Variants in CA10 observed in about 807,000 individuals in gnomAD.
CA10 encodes carbonic anhydrase 10 (inactive), also known as carbonic anhydrase-related protein 10.
CA10 carries 14 observed loss-of-function variants against 44.2 expected under a neutral mutation model. That is an observed-to-expected ratio of 0.32 (90% CI 0.21 to 0.50). The LOEUF is 0.50. CA10 is among the 20% of genes least tolerant of loss of function. The pLI, the probability that CA10 is intolerant of heterozygous loss-of-function variation, is 0.99. For synonymous variants in CA10, 159 were observed against 141.6 expected, an observed-to-expected ratio of 1.12 and a Z score of -0.87; for missense variants, 350 against 409.7, an observed-to-expected ratio of 0.85 and a Z score of 1.26.
intron 2 of CA10, among the ~76,000 whole-genome samples, chr17:52,066,597 A>G (rs1987544040): frequency 6.6e-6 from 1 of 152,074 alleles, no homozygotes; most frequent in Non-Finnish European, 1.5e-5. Flanking sequence ...CTTCTCCTTC[A>G]CCTTCAGCCA....
At chr17:52,134,223 C>A (rs1750139419) in intron 1 of CA10, among the ~76,000 whole-genome samples, 1 of 152,216 alleles carries the variant, frequency 6.6e-6, no homozygotes, top group Admixed American at 6.5e-5. Flanking sequence ...TAATCCTAAA[C>A]CTCAACTTCT....
At chr17:51,765,151 G>C (rs571393452) in intron 3 of CA10, among the ~76,000 whole-genome samples, 2 of 152,104 alleles carry the variant, frequency 1.3e-5, no homozygotes, top group Admixed American at 6.5e-5. Flanking sequence ...TTTGGGGTTG[G>C]GGGGAGAAGG....
At chr17:51,852,461 T>C (rs1978839902) in intron 3 of CA10, among the ~76,000 whole-genome samples, 1 of 152,244 alleles carries the variant, frequency 6.6e-6, no homozygotes, top group Non-Finnish European at 1.5e-5. Context: ...ATAGTACTAC[T>C]AGGCACTTGC....
At position 51,670,950 on chromosome 17, in the gene CA10, CG is replaced by C. The variant is rs143939433; in HGVS notation, c.466-17215del. ...ACTAAGTTATCTGGCCTCTAATAGA[CG>C]GAAGTGCTCTGGGACTTGGGATTGT... On this transcript the variant is annotated intron_variant, in intron 4 of 8. Coordinates refer to ENST00000451037, the MANE Select transcript of CA10 (RefSeq NM_020178.5). Among the ~76,000 whole-genome samples the C allele has an allele frequency of 7.4e-3, 1,126 of 152,254 alleles. 5 individuals carry two copies. The highest frequency in any genetic ancestry group is 0.012 in the Non-Finnish European group (819 of 68,016).
intron 4 of CA10, among the ~76,000 whole-genome samples, chr17:51,699,390 G>T (rs1316373637): frequency 6.6e-6 from 1 of 151,542 alleles, no homozygotes; most frequent in Non-Finnish European, 1.5e-5. Flanking sequence ...ATAGTAAGGT[G>T]GTTTGAGGAG....
chr17:51,991,674 T>C (rs1211542930), intron 2 of CA10, among the ~76,000 whole-genome samples: 1 of 152,104 alleles, frequency 6.6e-6, no homozygotes, highest in Non-Finnish European at 1.5e-5. Context: ...CTGGGCGTGG[T>C]GGCACATGCC....
intron 1 of CA10, among the ~76,000 whole-genome samples, chr17:52,138,807 A>T (rs1989414930): frequency 6.6e-6 from 1 of 151,986 alleles, no homozygotes; most frequent in Non-Finnish European, 1.5e-5. Context: ...CTACCCTCAG[A>T]CTCTGTGAGC....
intron 2 of CA10, among the ~76,000 whole-genome samples, chr17:51,992,354 T>C (rs73987345): frequency 0.018 from 2,713 of 152,264 alleles, 83 homozygotes; most frequent in African/African-American, 0.062. Context: ...CTTGACCTTA[T>C]TATTTTTCTC....
intron 4 of CA10, among the ~76,000 whole-genome samples, chr17:51,702,573 C>T (rs1281768985): frequency 2.0e-5 from 3 of 152,204 alleles, no homozygotes; most frequent in African/African-American, 7.2e-5. Context: ...TGGCTTCCAC[C>T]TGGACCCCAG....
chr17:51,673,074 C>A (rs117939342), intron 4 of CA10, among the ~76,000 whole-genome samples: 3 of 152,230 alleles, frequency 2.0e-5, no homozygotes, highest in Non-Finnish European at 4.4e-5. Flanking sequence ...GCCTTAATGC[C>A]TATCACATTG....
At chr17:52,128,785 T>G (rs1268570411) in intron 1 of CA10, among the ~76,000 whole-genome samples, 1 of 152,212 alleles carries the variant, frequency 6.6e-6, no homozygotes, top group East Asian at 1.9e-4. Flanking sequence ...TTTAGTCTTT[T>G]GGGCATGCCT....
At chr17:52,015,762 G>T (rs940827355) in intron 2 of CA10, among the ~76,000 whole-genome samples, 7 of 152,222 alleles carry the variant, frequency 4.6e-5, no homozygotes, top group African/African-American at 1.7e-4. Context: ...AATTTCTGAA[G>T]CCTAAGGTCT....
intron 2 of CA10, among the ~76,000 whole-genome samples, chr17:52,071,877 A>G (rs1182918685): frequency 3.9e-5 from 6 of 152,178 alleles, no homozygotes; most frequent in Non-Finnish European, 5.9e-5. Context: ...GCATGCTGAC[A>G]AGATCCACTT....
chr17:51,645,796 G>C (rs978655792), intron 6 of CA10, among the ~76,000 whole-genome samples: 1 of 152,156 alleles, frequency 6.6e-6, no homozygotes, highest in African/African-American at 2.4e-5. Flanking sequence ...CTTCTACTAT[G>C]GAAGAATATT....
intron 2 of CA10, among the ~76,000 whole-genome samples, chr17:52,023,536 C>A (rs1986205452): frequency 6.6e-6 from 1 of 151,940 alleles, no homozygotes; most frequent in Non-Finnish European, 1.5e-5. Context: ...CTAAGAAATA[C>A]CCTAATGGAC....
At chr17:52,013,522 G>A (rs1985873594) in intron 2 of CA10, among the ~76,000 whole-genome samples, 2 of 152,038 alleles carry the variant, frequency 1.3e-5, no homozygotes, top group South Asian at 4.1e-4. Flanking sequence ...GAAAACAGAT[G>A]TGAAGAAGCC....
intron 4 of CA10, among the ~76,000 whole-genome samples, chr17:51,706,796 C>T (rs1015851128): frequency 3.9e-5 from 6 of 152,108 alleles, no homozygotes; most frequent in African/African-American, 1.4e-4. Flanking sequence ...TGCCACACAC[C>T]AGGCACACTC....
Position 51,653,687 on chromosome 17 carries a change from G to A in CA10, c.515C>T (p.Ala172Val). ...NHELYTNVTE[A>V]AKSPNGLVVV... Reference sequence around the variant, plus strand: ...CACCAATCCATTTGGACTCTTTGCAGCTTCTGTGACATTCGTATATAGCTC... The same window carrying A: ...CACCAATCCATTTGGACTCTTTGCAACTTCTGTGACATTCGTATATAGCTC... Residue 172 changes from alanine (A) to valine (V), a missense_variant, in exon 5 of 9, where the codon GCT becomes GTT. Physicochemically the swap from Ala to Val is moderately conservative, Grantham distance 64. Transcript: ENST00000451037. 1.2e-6 allele frequency: 2 copies of A among 1,611,736 alleles called. No individual in the cohort carries two copies. The highest frequency in any genetic ancestry group is 1.7e-4 in the Middle Eastern group (1 of 6,056).
chr17:52,013,252 A>G (rs902309785), intron 2 of CA10, among the ~76,000 whole-genome samples: 1 of 151,980 alleles, frequency 6.6e-6, no homozygotes, highest in African/African-American at 2.4e-5. Context: ...GCTAAAATTA[A>G]ATTGATAATG....
Sources: gnomAD v4.1 joint callset for allele counts (sites outside exome capture counted in the v4.1 genomes callset) on GRCh38, gnomAD v4.1.1 for gene constraint, MANE v1.5 for transcripts, NCBI Gene and HGNC (gene_info 2026-07-23, HGNC 2026-07-21) for gene names.